The following SCUBE1 variants were observed in gnomAD, a reference collection of about 807,000 sequenced individuals.
The protein encoded by SCUBE1 is signal peptide, CUB and EGF-like domain-containing protein 1.
Under a neutral mutation model 124.4 loss-of-function variants are expected in SCUBE1, and 59 were observed. The observed-to-expected ratio is 0.47, with a 90% CI of 0.38 to 0.59. The LOEUF is 0.59. SCUBE1 is among the 20% of genes least tolerant of loss of function. The pLI is 0.00. For synonymous variants in SCUBE1, 545 were observed against 550.9 expected, an observed-to-expected ratio of 0.99 and a Z score of 0.15; for missense variants, 1,150 against 1,371.2, an observed-to-expected ratio of 0.84 and a Z score of 2.55.
chr22:43,253,799 G>A lies in SCUBE1; in HGVS notation c.727+4420C>T, dbSNP rs556126778. Among the ~76,000 whole-genome samples, 7 of 121,330 alleles carry A rather than the reference G, an allele frequency of 5.8e-5. No homozygotes were observed. The South Asian group carries it at 8.6e-4, about 15-fold the overall frequency. The allele number at this position is 121,330 out of a possible 152,430, so 79.6% of individuals were successfully genotyped here. A position where few individuals can be genotyped will look rare whatever the true frequency, so the allele number is the denominator to read the frequency against. On this transcript the variant is annotated intron_variant, in intron 6 of 21. Transcript: ENST00000360835. The stretch of plus-strand genomic sequence containing the variant: ...CCCATCCTCTTCCTGGGAAGGTCGC[G>A]GGGTACCTAAGGGGCCCAGCTCCTG...
intron 6 of SCUBE1, among the ~76,000 whole-genome samples, chr22:43,248,131 A>C (rs560775875): frequency 1.3e-5 from 2 of 152,324 alleles, no homozygotes; most frequent in East Asian, 3.9e-4. Context: ...GGAGAGAGGA[A>C]ACAGGGCAGG....
intron 2 of SCUBE1, among the ~76,000 whole-genome samples, chr22:43,331,757 C>A (rs1270271600): frequency 6.6e-6 from 1 of 152,178 alleles, no homozygotes; most frequent in African/African-American, 2.4e-5. Context: ...CCCCAGCCTG[C>A]CCCCTCAGCA....
rs567865219 is a variant in SCUBE1, at chr22:43,240,056, C to T, written c.728-1102G>A. ...AAATGCATGGTGCCTTTCCTTTGAA[C>T]TTCACCTTGTAGGCGTGTGCAGGGG... On this transcript the variant is annotated intron_variant, in intron 6 of 21. Coordinates refer to ENST00000360835, the MANE Select transcript of SCUBE1 (RefSeq NM_173050.5). 2.1e-4 allele frequency among the ~76,000 whole-genome samples: 32 copies of T among 152,274 alleles called. No individual in the cohort carries two copies. In the South Asian group the frequency reaches 3.7e-3, roughly 18 times the overall value.
intron 8 of SCUBE1, among the ~76,000 whole-genome samples, chr22:43,229,921 A>C (rs953141010): frequency 3.9e-5 from 6 of 152,222 alleles, no homozygotes; most frequent in Non-Finnish European, 5.9e-5. Flanking sequence ...CCCTGAAGGC[A>C]AAACAGACGC....
At chr22:43,270,860 G>A (rs943574434) in intron 4 of SCUBE1, among the ~76,000 whole-genome samples, 1 of 151,914 alleles carries the variant, frequency 6.6e-6, no homozygotes, top group Non-Finnish European at 1.5e-5. Flanking sequence ...AAACTCTTCA[G>A]TGCCCCTGCA....
Position 43,198,807 on chromosome 22 carries a change from T to G in SCUBE1, c.*5190A>C. Reference sequence around the variant, plus strand: ...TGAGCAGGCTGTCCAGGGCAGCTTGTCTGCTGTCTGGGGCAGGGTGTCTGT... The same window carrying G: ...TGAGCAGGCTGTCCAGGGCAGCTTGGCTGCTGTCTGGGGCAGGGTGTCTGT... On this transcript the variant is annotated 3_prime_UTR_variant, in exon 22 of 22. Transcript: ENST00000360835. 2.3e-6 allele frequency: 1 copy of G among 432,682 alleles called. No homozygotes were observed. Among genetic ancestry groups the G allele is most frequent in the South Asian group, 1.7e-5 (1 of 60,028 alleles). The allele number at this position is 432,682 out of a possible 1,614,324, so 26.8% of individuals were successfully genotyped here. A position where few individuals can be genotyped will look rare whatever the true frequency, so the allele number is the denominator to read the frequency against.
At chr22:43,239,080 C>T in intron 6 of SCUBE1, 126 bp from the exon 7 acceptor site, 1 of 712,098 alleles carries the variant, frequency 1.4e-6, no homozygotes, top group South Asian at 1.8e-5. Flanking sequence ...CTCTGATATA[C>T]TCTCTGGCTG....
intron 3 of SCUBE1, among the ~76,000 whole-genome samples, chr22:43,312,598 A>G (rs915514613): frequency 2.4e-4 from 37 of 152,242 alleles, no homozygotes; most frequent in African/African-American, 7.7e-4. Flanking sequence ...GGATGGGGTA[A>G]GACAAGGTCC....
rs573803900 is a variant in SCUBE1, at chr22:43,198,932, TTGTC to T, written c.*5061_*5064del. On this transcript the variant is annotated 3_prime_UTR_variant, in exon 22 of 22. Transcript: ENST00000360835. ...TTGTCTGTCTGCTGTCTGGGGCAGT[TTGTC>T]TGTCTGTCTGCTGTCCGGGGCAGTT... is the stretch of plus-strand genomic sequence containing the variant. 4.3e-4 allele frequency: 159 copies of T among 367,226 alleles called. No homozygotes were observed. Among genetic ancestry groups the T allele is most frequent in the South Asian group, 2.7e-3 (131 of 48,970 alleles). The allele number at this position is 367,226 out of a possible 1,614,324, so 22.7% of individuals were successfully genotyped here.
chr22:43,225,592 T>C (rs13053653), intron 10 of SCUBE1, among the ~76,000 whole-genome samples: 103,663 of 150,480 alleles, frequency 0.69, 35,851 homozygotes, highest in Non-Finnish European at 0.72. Flanking sequence ...CTGACCAACA[T>C]GGTGAAACCT....
At chr22:43,329,449 G>T (rs541677663) in intron 2 of SCUBE1, among the ~76,000 whole-genome samples, 2 of 152,374 alleles carry the variant, frequency 1.3e-5, no homozygotes, top group African/African-American at 4.8e-5. Context: ...AAAGGCCGGA[G>T]AGGCCCACAG....
rs1443840619 is a variant in SCUBE1 at position 43,200,093 on chromosome 22, G to C, written c.*3904C>G. 6.6e-6 allele frequency: 1 copy of C among 152,290 alleles called. No individual in the cohort carries two copies. The highest frequency in any genetic ancestry group is 1.9e-4 in the East Asian group (1 of 5,188). The allele number at this position is 152,290 out of a possible 1,614,324, so 9.4% of individuals were successfully genotyped here. A position where few individuals can be genotyped will look rare whatever the true frequency, so the allele number is the denominator to read the frequency against. Reference sequence around the variant, plus strand: ...TGGGAAGCTGTGCGGGAGACACCCCGGTTTTCCATGCCTTTCTTCACAGAG... The same window carrying C: ...TGGGAAGCTGTGCGGGAGACACCCCCGTTTTCCATGCCTTTCTTCACAGAG... On this transcript the variant is annotated 3_prime_UTR_variant, in exon 22 of 22. Coordinates refer to ENST00000360835, the MANE Select transcript of SCUBE1 (RefSeq NM_173050.5).
chr22:43,336,485 C>T (rs1009148602), intron 2 of SCUBE1, among the ~76,000 whole-genome samples: 15 of 152,186 alleles, frequency 9.9e-5, no homozygotes, highest in African/African-American at 2.4e-4. Flanking sequence ...GGCCCTGCCC[C>T]GTGAGCTGGG....
intron 5 of SCUBE1, among the ~76,000 whole-genome samples, chr22:43,260,386 G>A (rs1364982846): frequency 6.6e-6 from 1 of 152,232 alleles, no homozygotes; most frequent in Non-Finnish European, 1.5e-5. Context: ...ATAGAAGGAT[G>A]GAGAAAACCT....
At chr22:43,273,561 C>CTCTTT (rs1924374504) in intron 4 of SCUBE1, among the ~76,000 whole-genome samples, 1 of 60,950 alleles carries the variant, frequency 1.6e-5, no homozygotes, top group Non-Finnish European at 2.9e-5. Flanking sequence ...CTAAAACCCT[C>CTCTTT]TTTTTTTTTT....
intron 21 of SCUBE1, among the ~76,000 whole-genome samples, chr22:43,206,040 C>G (rs1170900878): frequency 2.7e-5 from 4 of 145,830 alleles, no homozygotes; most frequent in Non-Finnish European, 6.0e-5. Context: ...TCACCACACA[C>G]TCACCCCCAC....
chr22:43,227,530 G>A (rs753920337), intron 9 of SCUBE1, 34 bp from the exon 10 acceptor site: 1 of 1,593,062 alleles, frequency 6.3e-7, no homozygotes, highest in South Asian at 1.1e-5. Flanking sequence ...GCAGAGGGGA[G>A]GCTGGCGGCT....
chr22:43,321,981 T>TTTA (rs1926570498), intron 2 of SCUBE1, among the ~76,000 whole-genome samples: 1 of 152,132 alleles, frequency 6.6e-6, no homozygotes, highest in Non-Finnish European at 1.5e-5. Flanking sequence ...ATAGATTTTA[T>TTTA]TTTATTTATT....
At position 43,221,105 on chromosome 22, in the gene SCUBE1, A is replaced by G. The variant is rs1922071921; in HGVS notation, c.1549+68T>C. The G allele has an allele frequency of 2.3e-6, 3 of 1,287,542 alleles. No homozygotes were observed. In the African/African-American group the frequency reaches 4.4e-5, roughly 19 times the overall value. The allele number at this position is 1,287,542 out of a possible 1,614,324, so 79.8% of individuals were successfully genotyped here. A position where few individuals can be genotyped will look rare whatever the true frequency, so the allele number is the denominator to read the frequency against. ...CAGACTCGCTGGACCCTGGGGCCCCAGCTCCCAGGCATGAGGACTCTCCTA... is the reference window on the plus strand; with the variant it reads ...CAGACTCGCTGGACCCTGGGGCCCCGGCTCCCAGGCATGAGGACTCTCCTA... On this transcript the variant is annotated intron_variant, in intron 13 of 21. Transcript: ENST00000360835.
Sources: allele counts gnomAD v4.1 joint callset (sites outside exome capture counted in the v4.1 genomes callset), GRCh38; gene constraint gnomAD v4.1.1; transcripts MANE v1.5; gene names NCBI Gene and HGNC (gene_info 2026-07-23, HGNC 2026-07-21).